The following DERA variants were observed in gnomAD, a reference collection of about 807,000 sequenced individuals.
DERA encodes the protein deoxyribose-phosphate aldolase.
Under a neutral mutation model 41.1 loss-of-function variants are expected in DERA, and 15 were observed. That is an observed-to-expected ratio of 0.37 (90% confidence interval 0.24 to 0.56). The LOEUF (loss-of-function observed/expected upper bound fraction) is 0.56, where lower values mean the gene tolerates loss of function less well. DERA is among the 20% of genes least tolerant of loss of function. The pLI, the probability that DERA is intolerant of heterozygous loss-of-function variation, is 0.81. For synonymous variants in DERA, 139 were observed against 137.4 expected, an observed-to-expected ratio of 1.01 and a Z score of -0.08; for missense variants, 396 against 403.4, an observed-to-expected ratio of 0.98 and a Z score of 0.16.
At chr12:15,948,506 T>C (rs1482563004) in intron 1 of DERA, among the ~76,000 whole-genome samples, 1 of 152,232 alleles carries the variant, frequency 6.6e-6, no homozygotes, top group African/African-American at 2.4e-5. Flanking sequence ...CTGAAGCTTG[T>C]GTATTCATCA....
At chr12:15,939,228 A>G (rs1417063077) in intron 1 of DERA, among the ~76,000 whole-genome samples, 1 of 152,218 alleles carries the variant, frequency 6.6e-6, no homozygotes, top group Non-Finnish European at 1.5e-5. Context: ...TATCAGAAAT[A>G]TGAGTGAAAT....
Position 15,996,538 on chromosome 12 carries a change from CTCT to C in DERA, c.637+14107_637+14109del, listed in dbSNP as rs953186057. Among the ~76,000 whole-genome samples, 7 of 152,206 alleles carry C rather than the reference CTCT, an allele frequency of 4.6e-5. No homozygotes were observed. Among genetic ancestry groups the C allele is most frequent in the Admixed American group, 2.0e-4 (3 of 15,286 alleles). On this transcript the variant is annotated intron_variant, in intron 6 of 8. Coordinates refer to ENST00000428559, the MANE Select transcript of DERA (RefSeq NM_015954.4). This position sits in a 1 kb window ranked among gnomAD's most constrained non-coding sequence, Gnocchi z 4.7. ...TGTGTCTCTGTCTGTGTCTCTTCTC[CTCT>C]TCTTATAAGGAAACCAGTAATGTAA... is the stretch of plus-strand genomic sequence containing the variant.
chr12:15,928,906 C>CT lies in DERA; in HGVS notation c.31+17494dup, dbSNP rs1378458062. On this transcript the variant is annotated intron_variant, in intron 1 of 8. Coordinates refer to ENST00000428559, the MANE Select transcript of DERA (RefSeq NM_015954.4). The surrounding 1 kb of genome is among the most constrained non-coding windows in gnomAD (Gnocchi z 4.6). ...TTCTGTCCATCATGGTTTTTGTACA[C>CT]TTGACCTTACTTTTCTCAGCCTTCT... 2.0e-5 allele frequency among the ~76,000 whole-genome samples: 3 copies of CT among 152,186 alleles called. No homozygotes were observed. In the East Asian group the frequency reaches 5.8e-4, roughly 29 times the overall value.
rs1440219296 is a variant in DERA at position 15,981,977 on chromosome 12, C to T, written c.509-331C>T. Among the ~76,000 whole-genome samples, 2 of 152,208 alleles carry T rather than the reference C, an allele frequency of 1.3e-5. No homozygotes were observed. Among genetic ancestry groups the T allele is most frequent in the East Asian group, 3.9e-4 (2 of 5,182 alleles). On this transcript the variant is annotated intron_variant, in intron 5 of 8. Coordinates refer to ENST00000428559, the MANE Select transcript of DERA (RefSeq NM_015954.4). This position sits in a 1 kb window ranked among gnomAD's most constrained non-coding sequence, Gnocchi z 6.1. Reference sequence around the variant, plus strand: ...TACACCACTGTATGTATGGTAGCTACATTTGTTTTTTGTTGGAAGCAACCA... The same window carrying T: ...TACACCACTGTATGTATGGTAGCTATATTTGTTTTTTGTTGGAAGCAACCA...
At chr12:15,920,606 G>C (rs1037822693) in intron 1 of DERA, among the ~76,000 whole-genome samples, 2 of 152,176 alleles carry the variant, frequency 1.3e-5, no homozygotes, top group Non-Finnish European at 2.9e-5. Context: ...AGGCTGAGGC[G>C]GGCGGATCAT....
chr12:15,973,027 C>T (rs370547206), intron 5 of DERA, among the ~76,000 whole-genome samples: 12 of 152,108 alleles, frequency 7.9e-5, no homozygotes, highest in East Asian at 3.9e-4. Context: ...TCATTGTGGC[C>T]GAGTGCTCTG....
rs960233716 is a variant in DERA, at chr12:15,994,123, G to C, written c.637+11687G>C. 5.9e-5 allele frequency among the ~76,000 whole-genome samples: 9 copies of C among 152,148 alleles called. No homozygotes were observed. The highest frequency in any genetic ancestry group is 1.2e-4 in the Non-Finnish European group (8 of 68,034). On this transcript the variant is annotated intron_variant, in intron 6 of 8. Coordinates refer to ENST00000428559, the MANE Select transcript of DERA (RefSeq NM_015954.4). This position sits in a 1 kb window ranked among gnomAD's most constrained non-coding sequence, Gnocchi z 4.8. The stretch of plus-strand genomic sequence containing the variant: ...GAACTGCTTCTTGCAGACCTAACTT[G>C]CCTAGAAAAATTCACAGGTGCAAAG...
rs1223557167 is a variant in DERA, at chr12:15,983,434, C to T, written c.637+998C>T. Among the ~76,000 whole-genome samples the T allele has an allele frequency of 6.6e-6, 1 of 152,162 alleles. No homozygotes were observed. Among genetic ancestry groups the T allele is most frequent in the Non-Finnish European group, 1.5e-5 (1 of 68,038 alleles). On this transcript the variant is annotated intron_variant, in intron 6 of 8. Coordinates refer to ENST00000428559, the MANE Select transcript of DERA (RefSeq NM_015954.4). The surrounding 1 kb of genome is among the most constrained non-coding windows in gnomAD (Gnocchi z 6.2). ...CTTTTGAGTCTTTGTACGTTCTGTG[C>T]CTCCTGCCCGGAATGCCTTTTGCCC...
chr12:15,956,848 A>C, intron 1 of DERA, 88 bp from the exon 2 acceptor site: 1 of 954,944 alleles, frequency 1.0e-6, no homozygotes, highest in Admixed American at 1.7e-5. Context: ...TCAAATGATA[A>C]ATGTATCCTT....
intron 5 of DERA, among the ~76,000 whole-genome samples, chr12:15,964,283 G>A (rs571933209): frequency 4.6e-5 from 7 of 152,308 alleles, no homozygotes; most frequent in African/African-American, 1.7e-4. Context: ...ATTCTTGGCT[G>A]CAAGTAAGCT....
At chr12:15,964,974 G>T (rs1005128554) in intron 5 of DERA, among the ~76,000 whole-genome samples, 2 of 152,044 alleles carry the variant, frequency 1.3e-5, no homozygotes, top group African/African-American at 2.4e-5. Flanking sequence ...TCTTTTTCTA[G>T]TGTTAATAAC....
chr12:15,958,386 T>G, intron 3 of DERA, 51 bp downstream of exon 3: 1 of 1,439,590 alleles, frequency 6.9e-7, no homozygotes, highest in Non-Finnish European at 9.2e-7. Flanking sequence ...ACAATACTGA[T>G]TACTAAATCA....
chr12:16,036,292 C>T lies in DERA; in HGVS notation c.811C>T (p.Leu271Phe). 6.2e-7 allele frequency: 1 copy of T among 1,613,760 alleles called. No homozygotes were observed. The highest frequency in any genetic ancestry group is 8.5e-7 in the Non-Finnish European group (1 of 1,179,782). ...AAAGGATTCCCTTGCTTGGCTCTCT[C>T]TTGTAAAGGAGGAGCTTGGAGATGA... ...SAKDSLAWLS[L>F]VKEELGDEWL... The change falls in exon 8 of 9, where the codon CTT becomes TTT. Residue 271 changes from leucine to phenylalanine, a missense_variant. Coordinates refer to ENST00000428559, the MANE Select transcript of DERA (RefSeq NM_015954.4). The surrounding 1 kb of genome is among the most constrained non-coding windows in gnomAD (Gnocchi z 4.9).
rs1488810297 is a variant in DERA, at chr12:15,995,028, A to C, written c.637+12592A>C. Among the ~76,000 whole-genome samples, 1 of 152,150 alleles carries C rather than the reference A, an allele frequency of 6.6e-6. No homozygotes were observed. Among genetic ancestry groups the C allele is most frequent in the Non-Finnish European group, 1.5e-5 (1 of 68,020 alleles). On this transcript the variant is annotated intron_variant, in intron 6 of 8. Transcript: ENST00000428559. This position sits in a 1 kb window ranked among gnomAD's most constrained non-coding sequence, Gnocchi z 5.1. ...GGCCACACACTGAGTAAGTGGCAGA[A>C]TTTTCTGAAGGACTTTTGACTCTAA... is the stretch of plus-strand genomic sequence containing the variant.
chr12:16,032,867 T>C, intron 7 of DERA: 1 of 500,386 alleles, frequency 2.0e-6, no homozygotes, highest in South Asian at 2.4e-5. Flanking sequence ...GGAGTGAGTA[T>C]GTGTGATCAA....
chr12:16,017,204 T>G lies in DERA; in HGVS notation c.638-15338T>G, dbSNP rs1057317554. 6.6e-6 allele frequency among the ~76,000 whole-genome samples: 1 copy of G among 152,188 alleles called. No individual in the cohort carries two copies. The highest frequency in any genetic ancestry group is 2.4e-5 in the African/African-American group (1 of 41,444). On this transcript the variant is annotated intron_variant, in intron 6 of 8. Transcript: ENST00000428559. The surrounding 1 kb of genome is among the most constrained non-coding windows in gnomAD (Gnocchi z 5.5). ...GGTTATCATAAGATCATCTTTCCTT[T>G]GGGGCATTGGAGATATTTTCCAACC...
rs541847752 is a variant in DERA, at chr12:15,944,416, C to A, written c.32-12520C>A. 1.8e-3 allele frequency among the ~76,000 whole-genome samples: 267 copies of A among 152,256 alleles called. 2 individuals carry two copies. Among genetic ancestry groups the A allele is most frequent in the African/African-American group, 6.2e-3 (258 of 41,540 alleles). ...TTGTTTCCTGACTTTTTAATGATTG[C>A]CCTTCTAACTGGTGTGAGATGGTAT... On this transcript the variant is annotated intron_variant, in intron 1 of 8. Transcript: ENST00000428559.
chr12:15,951,701 T>C (rs904577152), intron 1 of DERA, among the ~76,000 whole-genome samples: 1 of 152,244 alleles, frequency 6.6e-6, no homozygotes, highest in African/African-American at 2.4e-5. Flanking sequence ...ATCTTACCTC[T>C]GAAGAAAAAC....
At position 16,009,329 on chromosome 12, in the gene DERA, T is replaced by C. The variant is rs541276948; in HGVS notation, c.638-23213T>C. Among the ~76,000 whole-genome samples, 1 of 152,330 alleles carries C rather than the reference T, an allele frequency of 6.6e-6. No individual in the cohort carries two copies. Among genetic ancestry groups the C allele is most frequent in the South Asian group, 2.1e-4 (1 of 4,834 alleles). On this transcript the variant is annotated intron_variant, in intron 6 of 8. Transcript: ENST00000428559. This position sits in a 1 kb window ranked among gnomAD's most constrained non-coding sequence, Gnocchi z 5.3. ...TTTATTCTTTTAGCAGGTTTTGTGATGAAAATGTCACCATCAAACCAGTCT... is the reference window on the plus strand; with the variant it reads ...TTTATTCTTTTAGCAGGTTTTGTGACGAAAATGTCACCATCAAACCAGTCT...
Sources: allele counts gnomAD v4.1 joint callset (sites outside exome capture counted in the v4.1 genomes callset), GRCh38; gene constraint gnomAD v4.1.1; non-coding constraint Gnocchi (gnomAD v3.1); transcripts MANE v1.5; gene names NCBI Gene and HGNC (gene_info 2026-07-23, HGNC 2026-07-21).